TRPV3: variants seen among roughly 807,000 people sequenced by gnomAD.
TRPV3 encodes transient receptor potential cation channel subfamily V member 3.
A neutral mutation model predicts 87.1 loss-of-function variants in TRPV3; 88 were observed. The observed-to-expected ratio is 1.01, with a 90% CI of 0.85 to 1.21. TRPV3 has a LOEUF of 1.21. TRPV3 is among the 50% of genes most tolerant of loss of function. The probability of loss-of-function intolerance (pLI) is 0.00; values close to 1 mark genes in which losing one functional copy is unlikely to be tolerated. For synonymous variants in TRPV3, 438 were observed against 423.3 expected, an observed-to-expected ratio of 1.03 and a Z score of -0.43; for missense variants, 1,054 against 1,030.1, an observed-to-expected ratio of 1.02 and a Z score of -0.32.
In TRPV3 at chr17:3,530,258, A is replaced by C; in HGVS notation, c.1066-55T>G. On this transcript the variant is annotated intron_variant, in intron 8 of 17. Coordinates refer to ENST00000576742, the MANE Select transcript of TRPV3 (RefSeq NM_145068.4). This position sits in a 1 kb window ranked among gnomAD's most constrained non-coding sequence, Gnocchi z 4.0. ...TGCAGAACAGGGGCTTAAGGCCAAC[A>C]GGGCTGGACCAGCCAGAGGCTGGCT... is the stretch of plus-strand genomic sequence containing the variant. 7 of 1,544,436 alleles carry C rather than the reference A, an allele frequency of 4.5e-6. No homozygotes were observed. The South Asian group carries it at 8.8e-5, about 19-fold the overall frequency.
intron 6 of TRPV3, among the ~76,000 whole-genome samples, chr17:3,540,606 A>G (rs1160483689): frequency 6.6e-6 from 1 of 152,204 alleles, no homozygotes; most frequent in African/African-American, 2.4e-5. Flanking sequence ...GGGTACTGGG[A>G]AATGAACTGT....
At chr17:3,538,489 G>A (rs2074428562) in intron 6 of TRPV3, among the ~76,000 whole-genome samples, 1 of 151,656 alleles carries the variant, frequency 6.6e-6, no homozygotes, top group South Asian at 2.1e-4. Context: ...GTAGGAGAAT[G>A]AGTATTTCTG....
At chr17:3,515,476 C>T (rs529165821) in intron 16 of TRPV3, among the ~76,000 whole-genome samples, 3 of 152,092 alleles carry the variant, frequency 2.0e-5, no homozygotes, top group South Asian at 2.1e-4. Context: ...GCCTGGCCAA[C>T]GTGATGAAAC....
Position 3,513,722 on chromosome 17 carries a change from G to A in TRPV3, c.*195C>T. On this transcript the variant is annotated 3_prime_UTR_variant, in exon 18 of 18. Coordinates refer to ENST00000576742, the MANE Select transcript of TRPV3 (RefSeq NM_145068.4). ...CTGTTTGCCAAGTAACAAAATCCAGGATGTTTCCCACTCAGACAAATTGAC... is the reference window on the plus strand; with the variant it reads ...CTGTTTGCCAAGTAACAAAATCCAGAATGTTTCCCACTCAGACAAATTGAC... The A allele has an allele frequency of 2.0e-6, 1 of 497,726 alleles. No homozygotes were observed. The highest frequency in any genetic ancestry group is 3.6e-6 in the Non-Finnish European group (1 of 281,292). The allele number at this position is 497,726 out of a possible 1,614,324, so 30.8% of individuals were successfully genotyped here.
At position 3,513,039 on chromosome 17, in the gene TRPV3, C is replaced by T. The variant is rs2074134944; in HGVS notation, c.*878G>A. 6.6e-6 allele frequency: 1 copy of T among 152,310 alleles called. No homozygotes were observed. The highest frequency in any genetic ancestry group is 1.5e-5 in the Non-Finnish European group (1 of 68,110). 9.4% of individuals were successfully genotyped at this position (152,310 alleles called of 1,614,324 possible). On this transcript the variant is annotated 3_prime_UTR_variant, in exon 18 of 18. Transcript: ENST00000576742. ...GACCTTTCACCCAGATCGCGGCGGC[C>T]CAGCAGGACTTGCCCGGAGTGTCTC...
intron 11 of TRPV3, 173 bp downstream of exon 11, chr17:3,527,852 T>G: frequency 1.6e-6 from 1 of 606,968 alleles, no homozygotes; most frequent in Non-Finnish European, 2.9e-6. Flanking sequence ...ATGAAGTAGG[T>G]AGGATAGGCC....
chr17:3,524,808 CAA>C (rs56919647), intron 12 of TRPV3, among the ~76,000 whole-genome samples: 20 of 81,862 alleles, frequency 2.4e-4, no homozygotes, highest in Non-Finnish European at 2.8e-4. Context: ...CTTGTCTCTA[CAA>C]AAAAAAAAAA....
chr17:3,528,029 T>C lies in TRPV3; in HGVS notation c.1499A>G (p.Lys500Arg). The C allele has an allele frequency of 6.2e-7, 1 of 1,613,286 alleles. No homozygotes were observed. The highest frequency in any genetic ancestry group is 1.1e-5 in the South Asian group (1 of 91,072). ...AGGGCCGGGTGGCCCACTTACCTCT[T>C]TCACAGAGATGCACATGGCCCAGAT... ...VLIWAMCISVKEGIAIFLLRP... is the reference protein window; with the variant it reads ...VLIWAMCISVREGIAIFLLRP... The change falls in exon 11 of 18, where the codon AAA becomes AGA. Residue 500 changes from lysine (K) to arginine (R), a missense_variant. Lys to Arg is a conservative substitution (Grantham distance 26). Coordinates refer to ENST00000576742, the MANE Select transcript of TRPV3 (RefSeq NM_145068.4). This position sits in a 1 kb window ranked among gnomAD's most constrained non-coding sequence, Gnocchi z 4.2.
intron 2 of TRPV3, among the ~76,000 whole-genome samples, chr17:3,547,450 A>G (rs2074537062): frequency 6.6e-6 from 1 of 152,100 alleles, no homozygotes; most frequent in South Asian, 2.1e-4. Context: ...GTGAAACCCC[A>G]TGTCTACTAA....
Position 3,528,020 on chromosome 17 carries a change from C to T in TRPV3, c.1503+5G>A, listed in dbSNP as rs764761358. On this transcript the variant is annotated splice_donor_5th_base_variant and intron_variant, in intron 11 of 17. Coordinates refer to ENST00000576742, the MANE Select transcript of TRPV3 (RefSeq NM_145068.4). This position sits in a 1 kb window ranked among gnomAD's most constrained non-coding sequence, Gnocchi z 4.2. ...CGGTCTGGAAGGGCCGGGTGGCCCA[C>T]TTACCTCTTTCACAGAGATGCACAT... 2 of 1,612,564 alleles carry T rather than the reference C, an allele frequency of 1.2e-6. No individual in the cohort carries two copies. The highest frequency in any genetic ancestry group is 1.7e-6 in the Non-Finnish European group (2 of 1,179,388).
chr17:3,529,069 G>C lies in TRPV3; in HGVS notation c.1243-74C>G, dbSNP rs982324978. ...GGGACCGTTTTCTAAAGGCCTGCGG[G>C]AGCTCTGAGTCAGTGCTGCAGAAGG... On this transcript the variant is annotated intron_variant, in intron 9 of 17. Coordinates refer to ENST00000576742, the MANE Select transcript of TRPV3 (RefSeq NM_145068.4). The C allele has an allele frequency of 1.9e-6, 3 of 1,551,302 alleles. No individual in the cohort carries two copies. The South Asian group carries it at 3.4e-5, about 18-fold the overall frequency.
At chr17:3,540,198 A>G (rs2074445805) in intron 6 of TRPV3, among the ~76,000 whole-genome samples, 1 of 152,192 alleles carries the variant, frequency 6.6e-6, no homozygotes, top group African/African-American at 2.4e-5. Flanking sequence ...GAAACTTTAG[A>G]GTGGACAATC....
At chr17:3,517,568 G>A (rs2074193744) in intron 15 of TRPV3, among the ~76,000 whole-genome samples, 1 of 130,596 alleles carries the variant, frequency 7.7e-6, no homozygotes, top group African/African-American at 2.8e-5. Flanking sequence ...GCAGTGAGCT[G>A]ATAATCGTGC....
rs1228762571 is a variant in TRPV3, at chr17:3,547,519, G to A, written c.120-2248C>T. On this transcript the variant is annotated intron_variant, in intron 2 of 17. Coordinates refer to ENST00000576742, the MANE Select transcript of TRPV3 (RefSeq NM_145068.4). Reference sequence around the variant, plus strand: ...ACCTGTAATCCCATCTACGTGGGAGGCTGAGGCAGGAGAATCACTTGGACC... The same window carrying A: ...ACCTGTAATCCCATCTACGTGGGAGACTGAGGCAGGAGAATCACTTGGACC... Among the ~76,000 whole-genome samples, 6 of 152,240 alleles carry A rather than the reference G, an allele frequency of 3.9e-5. No individual in the cohort carries two copies. In the East Asian group the frequency reaches 5.8e-4, roughly 15 times the overall value.
At chr17:3,519,852 G>A (rs1374568217) in intron 14 of TRPV3, among the ~76,000 whole-genome samples, 4 of 59,248 alleles carry the variant, frequency 6.8e-5, no homozygotes, top group African/African-American at 1.8e-4. Flanking sequence ...ATGGATGACT[G>A]GATGGATGGA....
intron 6 of TRPV3, among the ~76,000 whole-genome samples, chr17:3,541,123 T>C (rs573081083): frequency 3.3e-5 from 5 of 152,260 alleles, no homozygotes; most frequent in South Asian, 4.2e-4. Context: ...CCCAGCACTT[T>C]GGGAGGTGAA....
intron 1 of TRPV3, among the ~76,000 whole-genome samples, chr17:3,555,324 TC>T (rs777923899): frequency 6.6e-6 from 1 of 152,236 alleles, no homozygotes; most frequent in Non-Finnish European, 1.5e-5. Context: ...TGAGCAGCTC[TC>T]CAAGAGTTTT....
At position 3,547,620 on chromosome 17, in the gene TRPV3, GA is replaced by G. The variant is rs568358561; in HGVS notation, c.120-2350del. Among the ~76,000 whole-genome samples, 360 of 151,828 alleles carry G rather than the reference GA, an allele frequency of 2.4e-3. 1 individual carries two copies. The highest frequency in any genetic ancestry group is 8.4e-3 in the African/African-American group (348 of 41,420). On this transcript the variant is annotated intron_variant, in intron 2 of 17. Coordinates refer to ENST00000576742, the MANE Select transcript of TRPV3 (RefSeq NM_145068.4). ...TGGGTGACAGAGGGAGACTCCTCTA[GA>G]AAAAAAATGGCTGATCTAGAGCAGG...
rs775037723 is a variant in TRPV3 at position 3,535,673 on chromosome 17, C to T, written c.684G>A (p.Gly228=). ...ALNIAIERRQ[G]DIAALLIAAG... ...CGGCGATGAGCAGGGCTGCGATGTC[C>T]CCCTGCCGCCGCTCGATGGCGATGT... is the stretch of plus-strand genomic sequence containing the variant. Residue 228 remains glycine, a synonymous_variant, in exon 7 of 18, where the codon GGG becomes GGA. Transcript: ENST00000576742. The T allele has an allele frequency of 6.3e-7, 1 of 1,593,330 alleles. No homozygotes were observed. Among genetic ancestry groups the T allele is most frequent in the Non-Finnish European group, 8.5e-7 (1 of 1,172,028 alleles).
Sources: gnomAD v4.1 joint callset for allele counts (sites outside exome capture counted in the v4.1 genomes callset) on GRCh38, gnomAD v4.1.1 for gene constraint, Gnocchi (gnomAD v3.1) non-coding constraint, MANE v1.5 for transcripts, NCBI Gene and HGNC (gene_info 2026-07-23, HGNC 2026-07-21) for gene names.